Variants in DTNA observed in about 807,000 individuals in gnomAD.
DTNA encodes dystrophin-related protein 3.
A neutral mutation model predicts 100.7 loss-of-function variants in DTNA; 43 were observed. The observed-to-expected ratio is 0.43, with a 90% confidence interval of 0.33 to 0.55. DTNA has a LOEUF of 0.55. Ranked by LOEUF, DTNA falls within the 20% of genes least tolerant of loss-of-function variation. The pLI is 0.04. For missense variants in DTNA, 798 were observed against 953.9 expected, an observed-to-expected ratio of 0.84 and a Z score of 2.15; for synonymous variants, 349 against 347.9, an observed-to-expected ratio of 1.00 and a Z score of -0.04.
intron 1 of DTNA, among the ~76,000 whole-genome samples, chr18:34,522,403 G>A (rs1216987993): frequency 6.6e-6 from 1 of 152,074 alleles, no homozygotes; most frequent in African/African-American, 2.4e-5. Flanking sequence ...TTATAGAACC[G>A]TATGAGATAG....
chr18:34,527,118 A>G (rs1343607536), intron 1 of DTNA, among the ~76,000 whole-genome samples: 2 of 150,768 alleles, frequency 1.3e-5, no homozygotes, highest in Admixed American at 6.7e-5. Context: ...AACACCTTAA[A>G]CCTCCTTTAC....
At chr18:34,615,399 T>C (rs1389884144) in intron 1 of DTNA, among the ~76,000 whole-genome samples, 1 of 152,148 alleles carries the variant, frequency 6.6e-6, no homozygotes, top group East Asian at 1.9e-4. Flanking sequence ...ATGCAAACTA[T>C]ATCATCTTAT....
At chr18:34,607,856 C>T (rs1027835202) in intron 1 of DTNA, among the ~76,000 whole-genome samples, 4 of 152,154 alleles carry the variant, frequency 2.6e-5, no homozygotes, top group African/African-American at 4.8e-5. Flanking sequence ...GAATTGCATA[C>T]AACAACTAAG....
intron 1 of DTNA, among the ~76,000 whole-genome samples, chr18:34,720,826 C>T (rs2085143827): frequency 6.6e-6 from 1 of 152,192 alleles, no homozygotes; most frequent in South Asian, 2.1e-4. Context: ...TTACTCCCAT[C>T]TGTGATGGCT....
exon 1 of DTNA, chr18:34,493,429 A>T (rs2144256774): frequency 6.6e-6 from 1 of 152,452 alleles, no homozygotes; most frequent in Non-Finnish European, 1.5e-5. Context: ...AGCGGCTCCT[A>T]CTCCAGGCTC....
intron 4 of DTNA, among the ~76,000 whole-genome samples, chr18:34,805,488 C>T (rs976855787): frequency 2.0e-5 from 3 of 152,070 alleles, no homozygotes; most frequent in African/African-American, 7.2e-5. Flanking sequence ...CCACACCTAG[C>T]TAATTTTTGT....
chr18:34,508,980 A>G (rs2040769194), intron 1 of DTNA, among the ~76,000 whole-genome samples: 1 of 151,990 alleles, frequency 6.6e-6, no homozygotes, highest in Admixed American at 6.6e-5. Context: ...CTATCCTTTC[A>G]CTGTTCCTCA....
chr18:34,612,831 C>G (rs2054504064), intron 1 of DTNA, among the ~76,000 whole-genome samples: 1 of 152,220 alleles, frequency 6.6e-6, no homozygotes, highest in African/African-American at 2.4e-5. Flanking sequence ...ATACTATACT[C>G]ATTAGAATTA....
chr18:34,645,842 T>G (rs957531172), intron 1 of DTNA, among the ~76,000 whole-genome samples: 1 of 152,184 alleles, frequency 6.6e-6, no homozygotes, highest in African/African-American at 2.4e-5. Flanking sequence ...CGTTTTCTAG[T>G]TTTTTAACCA....
intron 11 of DTNA, 125 bp downstream of exon 11, chr18:34,829,614 G>T: frequency 2.0e-6 from 2 of 999,918 alleles, no homozygotes; most frequent in Non-Finnish European, 1.4e-6. Flanking sequence ...GTCTTCTGGG[G>T]TTTAATGAAA....
At chr18:34,511,488 G>T (rs1266676390) in intron 1 of DTNA, among the ~76,000 whole-genome samples, 2 of 152,030 alleles carry the variant, frequency 1.3e-5, no homozygotes, top group African/African-American at 4.8e-5. Context: ...AAAAAAAGAA[G>T]ATAACTTGAG....
intron 4 of DTNA, 140 bp from the exon 5 acceptor site, chr18:34,806,079 C>T: frequency 4.3e-6 from 3 of 694,488 alleles, no homozygotes; most frequent in East Asian, 5.4e-5. Context: ...AATGGATGTG[C>T]CCACATAAGG....
chr18:34,649,364 G>C (rs1205530455), intron 1 of DTNA, among the ~76,000 whole-genome samples: 1 of 152,186 alleles, frequency 6.6e-6, no homozygotes, highest in African/African-American at 2.4e-5. Context: ...AATGCTGTGA[G>C]GGACTGGTGA....
intron 1 of DTNA, among the ~76,000 whole-genome samples, chr18:34,673,651 A>T (rs61388653): frequency 0.015 from 2,210 of 152,282 alleles, 41 homozygotes; most frequent in African/African-American, 0.047. Context: ...GCAGGCCATC[A>T]TATTATTTCT....
intron 3 of DTNA, among the ~76,000 whole-genome samples, chr18:34,777,065 C>T (rs1046351165): frequency 2.6e-5 from 4 of 152,348 alleles, no homozygotes; most frequent in South Asian, 4.1e-4. Flanking sequence ...CACTCCAGTT[C>T]CCCTATCCGC....
intron 1 of DTNA, among the ~76,000 whole-genome samples, chr18:34,715,056 G>A (rs921146432): frequency 2.1e-5 from 3 of 144,564 alleles, no homozygotes; most frequent in East Asian, 2.1e-4. Flanking sequence ...GGGGACTGTT[G>A]TGGGATGGGG....
At chr18:34,573,942 TTG>T in intron 1 of DTNA, 1 of 152,420 alleles carries the variant, frequency 6.6e-6, no homozygotes, top group Non-Finnish European at 1.5e-5. Context: ...CTTCGCTCAT[TTG>T]TGTGTGTGTG....
At chr18:34,502,599 G>T (rs771679433) in intron 1 of DTNA, among the ~76,000 whole-genome samples, 4 of 151,966 alleles carry the variant, frequency 2.6e-5, no homozygotes, top group Non-Finnish European at 5.9e-5. Context: ...ATTTCCTTGA[G>T]ATTTCCTCTT....
chr18:34,825,627 T>G (rs1362360990), intron 9 of DTNA, among the ~76,000 whole-genome samples: 1 of 152,202 alleles, frequency 6.6e-6, no homozygotes, highest in Non-Finnish European at 1.5e-5. Flanking sequence ...GTGCCAGAGC[T>G]AGCCATTCTT....
Sources: allele counts gnomAD v4.1 joint callset (sites outside exome capture counted in the v4.1 genomes callset), GRCh38; gene constraint gnomAD v4.1.1; transcripts MANE v1.5; gene names NCBI Gene and HGNC (gene_info 2026-07-23, HGNC 2026-07-21).